Variants in TMX3 observed in about 807,000 individuals in gnomAD.
TMX3 encodes the protein protein disulfide-isomerase TMX3.
TMX3 carries 40 observed loss-of-function variants against 64.4 expected under a neutral mutation model. That is an observed-to-expected ratio of 0.62 (90% confidence interval 0.48 to 0.81). The LOEUF is 0.81. TMX3 is among the 30% of genes least tolerant of loss of function. The pLI, the probability that TMX3 is intolerant of heterozygous loss-of-function variation, is 0.00. For synonymous variants in TMX3, 189 were observed against 175.7 expected (o/e 1.08, Z -0.60); for missense variants, 497 against 534.5 (o/e 0.93, Z 0.69).
intron 4 of TMX3, among the ~76,000 whole-genome samples, chr18:68,705,212 C>T (rs2030545685): frequency 1.3e-5 from 2 of 152,018 alleles, no homozygotes. Context: ...CAGGATTCCT[C>T]CTCCCATCCA....
intron 3 of TMX3, among the ~76,000 whole-genome samples, chr18:68,710,933 TAAAG>T (rs914540423): frequency 2.1e-4 from 32 of 152,308 alleles, no homozygotes; most frequent in African/African-American, 7.7e-4. Context: ...TTCCAAACTT[TAAAG>T]AAAGGAAGGT....
chr18:68,700,742 C>T (rs1279112981), intron 5 of TMX3: 10 of 984,112 alleles, frequency 1.0e-5, no homozygotes, highest in Middle Eastern at 5.2e-4. Context: ...ATTGTATCTA[C>T]GCCTTCTGAA....
At chr18:68,706,414 A>C (rs1025711452) in intron 4 of TMX3, 1 of 152,346 alleles carries the variant, frequency 6.6e-6, no homozygotes, top group African/African-American at 2.4e-5. Context: ...TCTGTCTCAA[A>C]AAAATAAAGA....
chr18:68,685,973 CTT>C (rs1459788253), intron 10 of TMX3, among the ~76,000 whole-genome samples: 1 of 152,098 alleles, frequency 6.6e-6, no homozygotes, highest in East Asian at 1.9e-4. Context: ...ATCAAGCAAA[CTT>C]GGGTAAAAAT....
rs777725207 is a variant in TMX3, at chr18:68,710,164, CAACA to C, written c.142-24_142-21del. On this transcript the variant is annotated intron_variant, in intron 3 of 15. Transcript: ENST00000299608. ...ATAAAACTTGTTTTAAAAAAACAAACAACAAACAAAAAAAGATAACCATTAAAAT... is the reference window on the plus strand; with the variant it reads ...ATAAAACTTGTTTTAAAAAAACAAACAACAAAAAAAGATAACCATTAAAAT... The C allele has an allele frequency of 2.7e-6, 4 of 1,501,564 alleles. No homozygotes were observed. Among genetic ancestry groups the C allele is most frequent in the Non-Finnish European group, 2.7e-6 (3 of 1,129,062 alleles). 93.0% of individuals were successfully genotyped at this position (1,501,564 alleles called of 1,614,324 possible). A position where few individuals can be genotyped will look rare whatever the true frequency, so the allele number is the denominator to read the frequency against.
intron 8 of TMX3, among the ~76,000 whole-genome samples, chr18:68,694,145 G>A (rs1260384375): frequency 6.6e-6 from 1 of 152,122 alleles, no homozygotes; most frequent in African/African-American, 2.4e-5. Flanking sequence ...GACTGAAGGG[G>A]CTGTAATGCA....
In TMX3 at chr18:68,713,930, A is replaced by G. The variant is rs776213200; in HGVS notation, c.47-30T>C. On this transcript the variant is annotated intron_variant, in intron 1 of 15. Coordinates refer to ENST00000299608, the MANE Select transcript of TMX3 (RefSeq NM_019022.5). ...AAAAAAAAGACAAAATGTACACAAT[A>G]AATGCTGATTATTTGGCTCATACCG... 27 of 1,490,212 alleles carry G rather than the reference A, an allele frequency of 1.8e-5. No homozygotes were observed. In the South Asian group the frequency reaches 2.8e-4, roughly 15 times the overall value. The allele number at this position is 1,490,212 out of a possible 1,614,324, so 92.3% of individuals were successfully genotyped here.
intron 12 of TMX3, 114 bp downstream of exon 12, chr18:68,684,076 A>C: frequency 1.3e-6 from 1 of 791,300 alleles, no homozygotes; most frequent in East Asian, 2.5e-5. Context: ...CTGTTATTTA[A>C]CTTCATTTCT....
intron 4 of TMX3, among the ~76,000 whole-genome samples, chr18:68,704,306 A>G (rs2030437048): frequency 1.3e-5 from 2 of 152,220 alleles, no homozygotes; most frequent in African/African-American, 4.8e-5. Context: ...TTAAAATTGC[A>G]CCTCAAAACA....
At position 68,676,088 on chromosome 18, in the gene TMX3, A is replaced by G. The variant is rs189138221; in HGVS notation, c.*845T>C. On this transcript the variant is annotated 3_prime_UTR_variant, in exon 16 of 16. Coordinates refer to ENST00000299608, the MANE Select transcript of TMX3 (RefSeq NM_019022.5). ...CATACCACTTTTCAAAAAGCAGAAG[A>G]TTTTTATCAAAGGAAATGTTAGAAG... 6.6e-6 allele frequency: 1 copy of G among 152,294 alleles called. No homozygotes were observed. Among genetic ancestry groups the G allele is most frequent in the East Asian group, 1.9e-4 (1 of 5,180 alleles). 9.4% of individuals were successfully genotyped at this position (152,294 alleles called of 1,614,324 possible). A position where few individuals can be genotyped will look rare whatever the true frequency, so the allele number is the denominator to read the frequency against.
chr18:68,687,418 C>T (rs1473456519), intron 10 of TMX3: 3 of 985,124 alleles, frequency 3.0e-6, no homozygotes, highest in Non-Finnish European at 3.6e-6. Context: ...CTCTTATTAC[C>T]CAGGCTTTTT....
intron 13 of TMX3, 49 bp downstream of exon 13, chr18:68,682,876 T>C: frequency 6.5e-7 from 1 of 1,544,694 alleles, no homozygotes. Context: ...CAGAAACAAA[T>C]TTAAAAATTA....
chr18:68,694,173 C>G (rs1012967834), intron 8 of TMX3, among the ~76,000 whole-genome samples: 81 of 152,260 alleles, frequency 5.3e-4, no homozygotes, highest in African/African-American at 1.9e-3. Flanking sequence ...CTGAAACATA[C>G]CCCCCAGTCA....
intron 4 of TMX3, among the ~76,000 whole-genome samples, chr18:68,702,480 AAG>A (rs2030202744): frequency 1.3e-5 from 2 of 152,176 alleles, no homozygotes; most frequent in Non-Finnish European, 2.9e-5. Flanking sequence ...AGCAAATATA[AAG>A]AGGGAAATAA....
At chr18:68,703,789 G>T (rs1034315934) in intron 4 of TMX3, among the ~76,000 whole-genome samples, 1 of 152,056 alleles carries the variant, frequency 6.6e-6, no homozygotes, top group Non-Finnish European at 1.5e-5. Flanking sequence ...AATTAGTCGC[G>T]CGCGGTGGCG....
At chr18:68,707,092 C>T (rs779065545) in intron 4 of TMX3, among the ~76,000 whole-genome samples, 1 of 152,158 alleles carries the variant, frequency 6.6e-6, no homozygotes, top group Non-Finnish European at 1.5e-5. Flanking sequence ...AATGATGTAT[C>T]ACCAGTACCC....
intron 9 of TMX3, among the ~76,000 whole-genome samples, chr18:68,689,393 G>GT (rs537861563): frequency 0.05 from 7,110 of 142,558 alleles, 547 homozygotes; most frequent in African/African-American, 0.17. Flanking sequence ...TATGATCAGT[G>GT]TTTTTTTTTT....
chr18:68,699,077 T>C (rs1915416878), intron 6 of TMX3, among the ~76,000 whole-genome samples: 1 of 151,876 alleles, frequency 6.6e-6, no homozygotes, highest in African/African-American at 2.4e-5. Flanking sequence ...ATATGGTGTG[T>C]ATATTACAAT....
At chr18:68,689,923 A>G (rs1914347889) in intron 9 of TMX3, 1 of 152,222 alleles carries the variant, frequency 6.6e-6, no homozygotes, top group Non-Finnish European at 1.5e-5. Flanking sequence ...AAATAAAATG[A>G]AAATGTCAAG....
Sources: gnomAD v4.1 joint callset for allele counts (sites outside exome capture counted in the v4.1 genomes callset) on GRCh38, gnomAD v4.1.1 for gene constraint, MANE v1.5 for transcripts, NCBI Gene and HGNC (gene_info 2026-07-23, HGNC 2026-07-21) for gene names.